The following SLAIN2 variants were observed in gnomAD, a reference collection of about 807,000 sequenced individuals.
The protein encoded by SLAIN2 is SLAIN family member 2, also known as SLAIN motif-containing protein 2.
A neutral mutation model predicts 56.6 loss-of-function variants in SLAIN2; 31 were observed. The observed-to-expected ratio is 0.55, with a 90% CI of 0.41 to 0.74. The LOEUF (loss-of-function observed/expected upper bound fraction) is 0.74. Among genes scored for constraint, SLAIN2 ranks in the 30% least tolerant of loss-of-function variants. The pLI is 0.00. For synonymous variants in SLAIN2, 317 were observed against 284.9 expected (o/e 1.11, Z -1.13); for missense variants, 777 against 754.2 (o/e 1.03, Z -0.35).
intron 6 of SLAIN2, among the ~76,000 whole-genome samples, chr4:48,406,266 ACTAGAG>A (rs1716691865): frequency 6.6e-6 from 1 of 152,112 alleles, no homozygotes; most frequent in African/African-American, 2.4e-5. Flanking sequence ...CTTTTTAGTT[ACTAGAG>A]CTAGGAAACG....
At chr4:48,385,942 GT>G (rs532283338) in intron 6 of SLAIN2, among the ~76,000 whole-genome samples, 120 of 139,748 alleles carry the variant, frequency 8.6e-4, no homozygotes, top group East Asian at 1.0e-3. Context: ...CTAAAAAAAT[GT>G]TTTTTTTTTT....
chr4:48,412,959 G>C (rs1464743135), intron 6 of SLAIN2, among the ~76,000 whole-genome samples: 1 of 152,054 alleles, frequency 6.6e-6, no homozygotes, highest in Non-Finnish European at 1.5e-5. Context: ...CAGACACGGT[G>C]GCTCACCTAT....
chr4:48,366,764 C>T (rs1034425122), intron 1 of SLAIN2, among the ~76,000 whole-genome samples: 1 of 152,166 alleles, frequency 6.6e-6, no homozygotes, highest in African/African-American at 2.4e-5. Context: ...AGGCTGAGCT[C>T]CCCATTGGGC....
intron 6 of SLAIN2, among the ~76,000 whole-genome samples, chr4:48,402,415 A>T (rs544484001): frequency 6.6e-6 from 1 of 152,292 alleles, no homozygotes; most frequent in African/African-American, 2.4e-5. Flanking sequence ...CAGGTACCCC[A>T]GTCATTCATC....
rs1247889822 is a variant in SLAIN2, at chr4:48,341,948, G to C, written c.209G>C (p.Gly70Ala). The C allele has an allele frequency of 2.0e-6, 3 of 1,466,930 alleles. No individual in the cohort carries two copies. The highest frequency in any genetic ancestry group is 9.0e-7 in the Non-Finnish European group (1 of 1,113,946). The allele number at this position is 1,466,930 out of a possible 1,614,324, so 90.9% of individuals were successfully genotyped here. The change falls in exon 1 of 8, where the codon GGC becomes GCC. Residue 70 changes from glycine to alanine, a missense_variant. By Grantham distance (60) the Gly-to-Ala change is moderately conservative. Coordinates refer to ENST00000264313, the MANE Select transcript of SLAIN2 (RefSeq NM_020846.2). ...GAASPRGFPL[G>A]LSAKSGGGPG... Reference sequence around the variant, plus strand: ...GCGTCTCCTCGGGGCTTCCCCTTGGGCCTCAGCGCCAAGTCGGGCGGCGGG... The same window carrying C: ...GCGTCTCCTCGGGGCTTCCCCTTGGCCCTCAGCGCCAAGTCGGGCGGCGGG...
At chr4:48,376,979 G>A (rs1467601313) in intron 2 of SLAIN2, among the ~76,000 whole-genome samples, 1 of 144,088 alleles carries the variant, frequency 6.9e-6, no homozygotes, top group Admixed American at 7.0e-5. Flanking sequence ...AATAATAGTC[G>A]GTATTGCTTT....
intron 1 of SLAIN2, among the ~76,000 whole-genome samples, chr4:48,353,806 G>T (rs1245037381): frequency 5.3e-5 from 8 of 152,152 alleles, no homozygotes; most frequent in African/African-American, 1.7e-4. Flanking sequence ...TAAGATTATT[G>T]TAACAGTCCG....
chr4:48,363,721 ACGGGGCGGCTGGCCAGG>A (rs1715408141), intron 1 of SLAIN2, among the ~76,000 whole-genome samples: 1 of 105,588 alleles, frequency 9.5e-6, no homozygotes, highest in Non-Finnish European at 2.1e-5. Context: ...CACCTCCCAG[ACGGGGCGGCTGGCCAGG>A]CGGGGGGCTG....
Position 48,422,835 on chromosome 4 carries a change from A to G in SLAIN2, c.*758A>G, listed in dbSNP as rs1717196286. The G allele has an allele frequency of 6.6e-6, 1 of 152,228 alleles. No individual in the cohort carries two copies. Among genetic ancestry groups the G allele is most frequent in the South Asian group, 2.1e-4 (1 of 4,834 alleles). The allele number at this position is 152,228 out of a possible 1,614,324, so 9.4% of individuals were successfully genotyped here. Reference sequence around the variant, plus strand: ...GCCAAAAGGGCTTAATATCAGTTGTACAATCTTTCTGAACTTTATAGTTCC... The same window carrying G: ...GCCAAAAGGGCTTAATATCAGTTGTGCAATCTTTCTGAACTTTATAGTTCC... On this transcript the variant is annotated 3_prime_UTR_variant, in exon 8 of 8. Coordinates refer to ENST00000264313, the MANE Select transcript of SLAIN2 (RefSeq NM_020846.2).
At chr4:48,377,819 A>G in intron 2 of SLAIN2, 77 bp from the exon 3 acceptor site, 1 of 1,345,508 alleles carries the variant, frequency 7.4e-7, no homozygotes, top group Non-Finnish European at 1.0e-6. Flanking sequence ...TTAGTTTTCT[A>G]ATAGGAAAAC....
rs1228572994 is a variant in SLAIN2, at chr4:48,423,742, A to G, written c.*1665A>G. On this transcript the variant is annotated 3_prime_UTR_variant, in exon 8 of 8. Coordinates refer to ENST00000264313, the MANE Select transcript of SLAIN2 (RefSeq NM_020846.2). ...GAGATTTAAACTGCCAGTACTATGT[A>G]TTTGGTGTATAATGCAAGGAAGAAA... The G allele has an allele frequency of 6.6e-6, 1 of 152,160 alleles. No homozygotes were observed. The highest frequency in any genetic ancestry group is 1.5e-5 in the Non-Finnish European group (1 of 68,032). 9.4% of individuals were successfully genotyped at this position (152,160 alleles called of 1,614,324 possible).
At chr4:48,412,440 T>C (rs1448916205) in intron 6 of SLAIN2, among the ~76,000 whole-genome samples, 1 of 150,540 alleles carries the variant, frequency 6.6e-6, no homozygotes, top group African/African-American at 2.4e-5. Flanking sequence ...TCTCTCTCTG[T>C]GTCTCAGCTT....
At chr4:48,345,232 A>G (rs1714830480) in intron 1 of SLAIN2, among the ~76,000 whole-genome samples, 1 of 152,206 alleles carries the variant, frequency 6.6e-6, no homozygotes, top group South Asian at 2.1e-4. Context: ...GCCTCTTCAC[A>G]TAGTTGAAGA....
At chr4:48,365,708 C>G (rs1256449419) in intron 1 of SLAIN2, among the ~76,000 whole-genome samples, 1 of 151,816 alleles carries the variant, frequency 6.6e-6, no homozygotes, top group Non-Finnish European at 1.5e-5. Context: ...ATTACAGGTG[C>G]CTGCCACCAC....
At chr4:48,419,524 G>C (rs928759499) in intron 6 of SLAIN2, among the ~76,000 whole-genome samples, 3 of 152,150 alleles carry the variant, frequency 2.0e-5, no homozygotes, top group Non-Finnish European at 4.4e-5. Flanking sequence ...CTTCAGTTTT[G>C]AGTAGTTGGG....
rs1215723222 is a variant in SLAIN2 at position 48,363,469 on chromosome 4, G to A, written c.390-6380G>A. Among the ~76,000 whole-genome samples, 4 of 62,362 alleles carry A rather than the reference G, an allele frequency of 6.4e-5. 1 individual carries two copies. The highest frequency in any genetic ancestry group is 4.5e-4 in the East Asian group (1 of 2,244). The allele number at this position is 62,362 out of a possible 152,430, so 40.9% of individuals were successfully genotyped here. A position where few individuals can be genotyped will look rare whatever the true frequency, so the allele number is the denominator to read the frequency against. On this transcript the variant is annotated intron_variant, in intron 1 of 7. Coordinates refer to ENST00000264313, the MANE Select transcript of SLAIN2 (RefSeq NM_020846.2). ...TGACACCCCCACCTACCTCCCGGACGGGGCGGCTGGCCGGACAGAGGGGCT... is the reference window on the plus strand; with the variant it reads ...TGACACCCCCACCTACCTCCCGGACAGGGCGGCTGGCCGGACAGAGGGGCT...
intron 1 of SLAIN2, among the ~76,000 whole-genome samples, chr4:48,345,672 T>C (rs1250620697): frequency 6.6e-6 from 1 of 152,130 alleles, no homozygotes; most frequent in Non-Finnish European, 1.5e-5. Context: ...ATAAAGCTTT[T>C]ATTTTATTTT....
intron 1 of SLAIN2, among the ~76,000 whole-genome samples, chr4:48,365,050 A>G (rs1207303780): frequency 6.6e-6 from 1 of 152,140 alleles, no homozygotes; most frequent in East Asian, 1.9e-4. Context: ...TGTTCATAAT[A>G]TTCGCTTATA....
At chr4:48,346,355 G>T (rs1410723897) in intron 1 of SLAIN2, among the ~76,000 whole-genome samples, 1 of 151,892 alleles carries the variant, frequency 6.6e-6, no homozygotes. Context: ...GGAGTGGTAG[G>T]CCTAAGCCCA....
Sources: allele counts gnomAD v4.1 joint callset (sites outside exome capture counted in the v4.1 genomes callset), GRCh38; gene constraint gnomAD v4.1.1; transcripts MANE v1.5; gene names NCBI Gene and HGNC (gene_info 2026-07-23, HGNC 2026-07-21).